Variants in TP53INP1 observed in about 807,000 individuals in gnomAD.
TP53INP1 encodes the protein tumor protein p53 inducible nuclear protein 1, also known as tumor protein p53-inducible nuclear protein 1.
A neutral mutation model predicts 21.0 loss-of-function variants in TP53INP1; 12 were observed. The ratio of observed to expected loss-of-function variants is 0.57; its 90% CI spans 0.37 to 0.93. The LOEUF is 0.93. Among genes scored for constraint, TP53INP1 ranks in the 40% least tolerant of loss-of-function variants. The pLI, the probability that TP53INP1 is intolerant of heterozygous loss-of-function variation, is 0.01. For missense variants in TP53INP1, 274 were observed against 294.7 expected (o/e 0.93, Z 0.51); for synonymous variants, 91 against 94.8 (o/e 0.96, Z 0.23).
chr8:94,927,269 T>C lies in TP53INP1; in HGVS notation c.*3210A>G, dbSNP rs1819978817. 1 of 152,578 alleles carries C rather than the reference T, an allele frequency of 6.6e-6. No individual in the cohort carries two copies. The highest frequency in any genetic ancestry group is 6.5e-5 in the Admixed American group (1 of 15,268). 9.5% of individuals were successfully genotyped at this position (152,578 alleles called of 1,614,324 possible). ...CTTAAGAGTACATAAAGATAATATATAATGTATTTCATTGAGGAGGAAGAG... is the reference window on the plus strand; with the variant it reads ...CTTAAGAGTACATAAAGATAATATACAATGTATTTCATTGAGGAGGAAGAG... On this transcript the variant is annotated 3_prime_UTR_variant, in exon 4 of 4. Coordinates refer to ENST00000342697, the MANE Select transcript of TP53INP1 (RefSeq NM_033285.4).
Position 94,929,418 on chromosome 8 carries a change from TA to T in TP53INP1, c.*1060del, listed in dbSNP as rs77909682. The T allele has an allele frequency of 4.4e-3, 611 of 139,600 alleles. 1 individual carries two copies. The highest frequency in any genetic ancestry group is 4.3e-3 in the African/African-American group (164 of 38,136). 8.6% of individuals were successfully genotyped at this position (139,600 alleles called of 1,614,324 possible). A position where few individuals can be genotyped will look rare whatever the true frequency, so the allele number is the denominator to read the frequency against. On this transcript the variant is annotated 3_prime_UTR_variant, in exon 4 of 4. Coordinates refer to ENST00000342697, the MANE Select transcript of TP53INP1 (RefSeq NM_033285.4). ...AAGAATACTTACAATACAAGGCAATTAAAAAAAAAAAAAGAAAAAAGTTGAG... is the reference window on the plus strand; with the variant it reads ...AAGAATACTTACAATACAAGGCAATTAAAAAAAAAAAAGAAAAAAGTTGAG...
intron 2 of TP53INP1, among the ~76,000 whole-genome samples, chr8:94,940,608 C>T (rs963936054): frequency 6.6e-6 from 1 of 152,152 alleles, no homozygotes; most frequent in African/African-American, 2.4e-5. Flanking sequence ...TGCCCTTGAT[C>T]TAATCAATCT....
rs1820111293 is a variant in TP53INP1, at chr8:94,928,674, T to A, written c.*1805A>T. 6.6e-6 allele frequency: 1 copy of A among 152,236 alleles called. No homozygotes were observed. Among genetic ancestry groups the A allele is most frequent in the Admixed American group, 6.5e-5 (1 of 15,272 alleles). 9.4% of individuals were successfully genotyped at this position (152,236 alleles called of 1,614,324 possible). ...CATTCTGGCACTTCATCACAGCCAG[T>A]AGAAGAACAATGTAAAACCTCCATC... On this transcript the variant is annotated 3_prime_UTR_variant, in exon 4 of 4. Transcript: ENST00000342697.
Position 94,926,947 on chromosome 8 carries a change from G to C in TP53INP1, c.*3532C>G, listed in dbSNP as rs906164725. The C allele has an allele frequency of 2.0e-5, 3 of 152,220 alleles. No individual in the cohort carries two copies. The highest frequency in any genetic ancestry group is 7.2e-5 in the African/African-American group (3 of 41,456). 9.4% of individuals were successfully genotyped at this position (152,220 alleles called of 1,614,324 possible). A position where few individuals can be genotyped will look rare whatever the true frequency, so the allele number is the denominator to read the frequency against. ...TAATATATCAGCATGGCTGATGGCA[G>C]TGAAACCATCCAAGATAGAAGGCCC... is the stretch of plus-strand genomic sequence containing the variant. On this transcript the variant is annotated 3_prime_UTR_variant, in exon 4 of 4. Transcript: ENST00000342697.
At position 94,927,184 on chromosome 8, in the gene TP53INP1, T is replaced by G. The variant is rs1819968200; in HGVS notation, c.*3295A>C. 1 of 152,640 alleles carries G rather than the reference T, an allele frequency of 6.6e-6. No individual in the cohort carries two copies. The highest frequency in any genetic ancestry group is 1.5e-5 in the Non-Finnish European group (1 of 68,034). The allele number at this position is 152,640 out of a possible 1,614,324, so 9.5% of individuals were successfully genotyped here. A position where few individuals can be genotyped will look rare whatever the true frequency, so the allele number is the denominator to read the frequency against. ...TGTCTTCTAGTTGGAGTCCTTCATG[T>G]TTTTGTTTCCAACTCAGAGAAAATG... On this transcript the variant is annotated 3_prime_UTR_variant, in exon 4 of 4. Coordinates refer to ENST00000342697, the MANE Select transcript of TP53INP1 (RefSeq NM_033285.4).
At chr8:94,948,311 A>G (rs1405932088) in intron 1 of TP53INP1, among the ~76,000 whole-genome samples, 1 of 152,172 alleles carries the variant, frequency 6.6e-6, no homozygotes, top group African/African-American at 2.4e-5. Flanking sequence ...TATGTGTAAG[A>G]TAGCCGGGCC....
In TP53INP1 at chr8:94,935,464, C is replaced by T. The variant is rs1432441989; in HGVS notation, c.473+4396G>A. Among the ~76,000 whole-genome samples the T allele has an allele frequency of 3.3e-5, 5 of 152,212 alleles. 1 individual carries two copies. The highest frequency in any genetic ancestry group is 4.8e-5 in the African/African-American group (2 of 41,534). ...AAAGGTCATATGATGTCTGTAAATT[C>T]GGGGAAACTTAAAAAGCCAGAAGGC... On this transcript the variant is annotated intron_variant, in intron 3 of 3. Coordinates refer to ENST00000342697, the MANE Select transcript of TP53INP1 (RefSeq NM_033285.4).
Position 94,941,007 on chromosome 8 carries a change from T to C in TP53INP1, c.-66A>G. On this transcript the variant is annotated 5_prime_UTR_variant, in exon 2 of 4. Coordinates refer to ENST00000342697, the MANE Select transcript of TP53INP1 (RefSeq NM_033285.4). ...AGCTGAGATTTCAAAACCTTGTCTTTAGTTGGCCCAATGGTACCGACAGGA... is the reference window on the plus strand; with the variant it reads ...AGCTGAGATTTCAAAACCTTGTCTTCAGTTGGCCCAATGGTACCGACAGGA... The C allele has an allele frequency of 7.9e-7, 1 of 1,263,688 alleles. No homozygotes were observed. Among genetic ancestry groups the C allele is most frequent in the Middle Eastern group, 1.9e-4 (1 of 5,398 alleles). The allele number at this position is 1,263,688 out of a possible 1,614,324, so 78.3% of individuals were successfully genotyped here. A position where few individuals can be genotyped will look rare whatever the true frequency, so the allele number is the denominator to read the frequency against.
At chr8:94,940,351 A>G in intron 2 of TP53INP1, 131 bp from the exon 3 acceptor site, 1 of 1,037,012 alleles carries the variant, frequency 9.6e-7, no homozygotes, top group Non-Finnish European at 1.4e-6. Context: ...AGATGATACT[A>G]TTAGCTGATG....
At chr8:94,948,641 G>A (rs1202081947) in intron 1 of TP53INP1, among the ~76,000 whole-genome samples, 2 of 152,154 alleles carry the variant, frequency 1.3e-5, no homozygotes, top group Non-Finnish European at 2.9e-5. Context: ...ACAGAGCGCC[G>A]GGCCACAAGC....
At chr8:94,942,410 C>A (rs748284726) in intron 1 of TP53INP1, among the ~76,000 whole-genome samples, 2 of 152,156 alleles carry the variant, frequency 1.3e-5, no homozygotes, top group African/African-American at 4.8e-5. Context: ...GCACAGGCAG[C>A]TCGAATCTGC....
At chr8:94,945,154 G>C (rs1271277058) in intron 1 of TP53INP1, among the ~76,000 whole-genome samples, 2 of 152,146 alleles carry the variant, frequency 1.3e-5, no homozygotes, top group African/African-American at 4.8e-5. Context: ...AAACTTTCAA[G>C]TATGTTTGGA....
At chr8:94,932,143 G>GTA in intron 3 of TP53INP1, 1 of 1,590,718 alleles carries the variant, frequency 6.3e-7, no homozygotes, top group Non-Finnish European at 8.6e-7. Flanking sequence ...TAAATCACTA[G>GTA]TAAGATTTAA....
At chr8:94,948,396 C>T (rs1226279523) in intron 1 of TP53INP1, among the ~76,000 whole-genome samples, 2 of 152,184 alleles carry the variant, frequency 1.3e-5, no homozygotes, top group Non-Finnish European at 1.5e-5. Flanking sequence ...ATGGCACATA[C>T]TCAGCGCTCA....
intron 1 of TP53INP1, among the ~76,000 whole-genome samples, chr8:94,945,965 C>T (rs188415005): frequency 2.5e-3 from 384 of 152,272 alleles, no homozygotes; most frequent in Non-Finnish European, 3.7e-3. Context: ...AGACCTCCAT[C>T]CCTCCCTTTA....
At chr8:94,948,302 A>T (rs1029330907) in intron 1 of TP53INP1, among the ~76,000 whole-genome samples, 1 of 152,230 alleles carries the variant, frequency 6.6e-6, no homozygotes, top group African/African-American at 2.4e-5. Flanking sequence ...CGGGTTTCCT[A>T]TGTGTAAGAT....
At chr8:94,934,149 G>GAA (rs141439112) in intron 3 of TP53INP1, among the ~76,000 whole-genome samples, 1 of 148,354 alleles carries the variant, frequency 6.7e-6, no homozygotes, top group African/African-American at 2.5e-5. Flanking sequence ...TACAGGCACA[G>GAA]AAAAAAAAAA....
At chr8:94,944,894 G>A (rs928238054) in intron 1 of TP53INP1, among the ~76,000 whole-genome samples, 2 of 152,128 alleles carry the variant, frequency 1.3e-5, no homozygotes, top group African/African-American at 4.8e-5. Context: ...AAGTGAGGCT[G>A]GTTTAACTAG....
intron 1 of TP53INP1, among the ~76,000 whole-genome samples, chr8:94,947,693 C>T (rs1318096222): frequency 1.3e-5 from 2 of 152,160 alleles, no homozygotes; most frequent in East Asian, 3.8e-4. Context: ...GCCCCTAAGG[C>T]TGAAAGACAG....
Sources: allele counts gnomAD v4.1 joint callset (sites outside exome capture counted in the v4.1 genomes callset), GRCh38; gene constraint gnomAD v4.1.1; transcripts MANE v1.5; gene names NCBI Gene and HGNC (gene_info 2026-07-23, HGNC 2026-07-21).